Variants in TMEM114 observed in about 807,000 individuals in gnomAD.
TMEM114 encodes claudin-26.
In TMEM114, 6 loss-of-function variants were observed where a neutral mutation model predicts 6.2. The ratio of observed to expected loss-of-function variants is 0.97; its 90% CI spans 0.53 to 1.91. The LOEUF is 1.91. TMEM114 is among the 40% of genes most tolerant of loss of function. The pLI is 0.01. For synonymous variants in TMEM114, 104 were observed against 73.0 expected (o/e 1.42, Z -2.16); for missense variants, 218 against 158.3 (o/e 1.38, Z -2.02).
At chr16:8,546,714 A>G (rs1221217403) in intron 2 of TMEM114, among the ~76,000 whole-genome samples, 3 of 152,220 alleles carry the variant, frequency 2.0e-5, no homozygotes, top group Non-Finnish European at 4.4e-5. Flanking sequence ...ATCACAGCAG[A>G]TGACCACTTG....
chr16:8,548,682 A>T lies in TMEM114; in HGVS notation n.213-10856T>A, dbSNP rs932177966. Among the ~76,000 whole-genome samples the T allele has an allele frequency of 7.8e-4, 113 of 144,012 alleles. 2 individuals carry two copies. Among genetic ancestry groups the T allele is most frequent in the Non-Finnish European group, 1.6e-3 (106 of 66,174 alleles). The allele number at this position is 144,012 out of a possible 152,430, so 94.5% of individuals were successfully genotyped here. ...TTTCTTGCCCATAGAGAAGTGAGCT[A>T]AAAATTGCCATGTATATATATACAC... is the stretch of plus-strand genomic sequence containing the variant. On this transcript the variant is annotated intron_variant and non_coding_transcript_variant, in intron 2 of 2. Coordinates refer to the TMEM114 transcript ENST00000623677.
At chr16:8,535,730 T>C (rs1900337163), downstream of TMEM114, among the ~76,000 whole-genome samples, 1 of 152,196 alleles carries the variant, frequency 6.6e-6, no homozygotes, top group African/African-American at 2.4e-5. Context: ...TGCATAATTC[T>C]CATCAAGTCA....
chr16:8,554,565 G>A (rs1020100031), intron 2 of TMEM114, among the ~76,000 whole-genome samples: 1 of 152,136 alleles, frequency 6.6e-6, no homozygotes, highest in Non-Finnish European at 1.5e-5. Flanking sequence ...CTGTGGGGTT[G>A]GCTCTGCTTC....
At chr16:8,576,746 GGAAGGAA>G (rs1901948973) in intron 2 of TMEM114, among the ~76,000 whole-genome samples, 1 of 151,204 alleles carries the variant, frequency 6.6e-6, no homozygotes, top group Non-Finnish European at 1.5e-5. Flanking sequence ...AAGGAAGGAA[GGAAGGAA>G]GGAAGGAAGG....
At chr16:8,553,220 C>A (rs1456570213) in intron 2 of TMEM114, among the ~76,000 whole-genome samples, 2 of 152,314 alleles carry the variant, frequency 1.3e-5, no homozygotes, top group South Asian at 4.2e-4. Flanking sequence ...CCCCTGCTTT[C>A]CAGACCAAGA....
intron 2 of TMEM114, among the ~76,000 whole-genome samples, chr16:8,572,714 G>T (rs1308713682): frequency 6.6e-6 from 1 of 152,206 alleles, no homozygotes; most frequent in Non-Finnish European, 1.5e-5. Flanking sequence ...GGCATTACAG[G>T]TGTGAGCCAC....
intron 2 of TMEM114, among the ~76,000 whole-genome samples, chr16:8,545,561 C>T (rs1397550627): frequency 3.9e-5 from 6 of 152,144 alleles, no homozygotes; most frequent in Non-Finnish European, 7.4e-5. Context: ...GTATCAGAAC[C>T]ACCCAGAGGG....
downstream of TMEM114, among the ~76,000 whole-genome samples, chr16:8,534,592 C>G (rs1900302698): frequency 6.6e-6 from 1 of 152,174 alleles, no homozygotes; most frequent in South Asian, 2.1e-4. Flanking sequence ...GGTGGTACAT[C>G]AGATGGGATA....
Position 8,583,755 on chromosome 16 carries a change from A to G in TMEM114, c.301+5458T>C, listed in dbSNP as rs1902228070. Among the ~76,000 whole-genome samples the G allele has an allele frequency of 2.6e-5, 4 of 152,166 alleles. No individual in the cohort carries two copies. In the South Asian group the frequency reaches 8.3e-4, roughly 32 times the overall value. On this transcript the variant is annotated intron_variant, in intron 2 of 3. Coordinates refer to ENST00000620492, the MANE Select transcript of TMEM114 (RefSeq NM_001146336.2). ...AGAGCAAGACCATGTCTCAAAAAAA[A>G]AAAAAGTCACACAGCTAGCAAGAAG...
chr16:8,563,589 A>G (rs867921046), intron 2 of TMEM114, among the ~76,000 whole-genome samples: 16 of 144,216 alleles, frequency 1.1e-4, no homozygotes, highest in South Asian at 2.2e-4. Flanking sequence ...GAGTGAGTGA[A>G]TGAGTGTGTG....
At chr16:8,544,997 A>C (rs753712782) in intron 2 of TMEM114, among the ~76,000 whole-genome samples, 1 of 151,820 alleles carries the variant, frequency 6.6e-6, no homozygotes, top group Non-Finnish European at 1.5e-5. Context: ...ATTGAAATGC[A>C]GTTTCCACAG....
chr16:8,585,872 A>C (rs1480069194), intron 2 of TMEM114, among the ~76,000 whole-genome samples: 1 of 152,222 alleles, frequency 6.6e-6, no homozygotes, highest in Non-Finnish European at 1.5e-5. Flanking sequence ...TGAGGCTCAG[A>C]GAGGTATAAG....
chr16:8,530,931 A>T, the TMEM114 span, among the ~76,000 whole-genome samples: 6 of 152,086 alleles, frequency 3.9e-5, no homozygotes, highest in Non-Finnish European at 8.8e-5. Context: ...AGGCTGAGGC[A>T]AGAGAATGGC....
At chr16:8,561,459 C>T (rs1901197795) in intron 2 of TMEM114, among the ~76,000 whole-genome samples, 1 of 152,242 alleles carries the variant, frequency 6.6e-6, no homozygotes, top group Non-Finnish European at 1.5e-5. Context: ...CACTCATACA[C>T]ACACATGCAC....
At chr16:8,562,555 C>T (rs62645657) in intron 2 of TMEM114, among the ~76,000 whole-genome samples, 22 of 46,368 alleles carry the variant, frequency 4.7e-4, no homozygotes, top group East Asian at 1.6e-3. Context: ...TGAGTGAGTG[C>T]GTCAATGAGT....
At chr16:8,539,906 C>G (rs1354915571) in intron 2 of TMEM114, among the ~76,000 whole-genome samples, 1 of 152,158 alleles carries the variant, frequency 6.6e-6, no homozygotes, top group Admixed American at 6.5e-5. Context: ...CAGCCTCCAC[C>G]TCCCAGATTC....
chr16:8,580,394 G>A (rs544096649), intron 2 of TMEM114, among the ~76,000 whole-genome samples: 231 of 151,852 alleles, frequency 1.5e-3, no homozygotes, highest in Non-Finnish European at 2.7e-3. Flanking sequence ...GGCTGAGGCA[G>A]GAGAATCACT....
At chr16:8,565,326 A>G (rs1901504247), downstream of TMEM114, among the ~76,000 whole-genome samples, 1 of 151,996 alleles carries the variant, frequency 6.6e-6, no homozygotes, top group Non-Finnish European at 1.5e-5. Context: ...ATGAGTGAGT[A>G]AATGAATGGA....
In TMEM114 at chr16:8,552,391, G is replaced by GA. The variant is rs199561635; in HGVS notation, n.213-14566dup. ...AGAGTGAGACTCTATTTCTTTAAAA[G>GA]AAAAAAAAAATACTACAAAGGGTAG... is the stretch of plus-strand genomic sequence containing the variant. On this transcript the variant is annotated intron_variant and non_coding_transcript_variant, in intron 2 of 2. Coordinates refer to the TMEM114 transcript ENST00000623677. 9.3e-3 allele frequency among the ~76,000 whole-genome samples: 1,361 copies of GA among 145,674 alleles called. 11 individuals are homozygous for GA. Among genetic ancestry groups the GA allele is most frequent in the African/African-American group, 0.023 (932 of 39,746 alleles).
Sources: gnomAD v4.1 joint callset for allele counts (sites outside exome capture counted in the v4.1 genomes callset) on GRCh38, gnomAD v4.1.1 for gene constraint, MANE v1.5 for transcripts, NCBI Gene and HGNC (gene_info 2026-07-23, HGNC 2026-07-21) for gene names.